SPHKAP: variants seen among roughly 807,000 people sequenced by gnomAD.
SPHKAP encodes A-kinase anchor protein SPHKAP.
SPHKAP carries 67 observed loss-of-function variants against 137.5 expected under a neutral mutation model. That is an observed-to-expected ratio of 0.49 (90% CI 0.40 to 0.60). SPHKAP has a LOEUF of 0.60. SPHKAP is among the 20% of genes least tolerant of loss of function. SPHKAP has a pLI of 0.00. For missense variants in SPHKAP, 2,097 were observed against 2,069.3 expected (o/e 1.01, Z -0.26); for synonymous variants, 813 against 785.3 (o/e 1.04, Z -0.59).
intron 11 of SPHKAP, among the ~76,000 whole-genome samples, chr2:227,990,619 A>G (rs1693377683): frequency 6.6e-6 from 1 of 152,176 alleles, no homozygotes; most frequent in Non-Finnish European, 1.5e-5. Context: ...GGCCTGTTTT[A>G]GATGTCAGTG....
chr2:228,026,773 A>G (rs73096604), intron 4 of SPHKAP, among the ~76,000 whole-genome samples: 1 of 152,338 alleles, frequency 6.6e-6, no homozygotes, highest in African/African-American at 2.4e-5. Flanking sequence ...GGGTTTGAGA[A>G]GCTTGAAGTG....
intron 1 of SPHKAP, among the ~76,000 whole-genome samples, chr2:228,143,666 T>G (rs1699677222): frequency 1.5e-5 from 2 of 135,942 alleles, no homozygotes; most frequent in African/African-American, 5.8e-5. Context: ...ACACCTGGCT[T>G]TTTTTTTTTT....
chr2:228,115,829 C>T (rs1404203578), intron 2 of SPHKAP, among the ~76,000 whole-genome samples: 3 of 152,210 alleles, frequency 2.0e-5, no homozygotes, highest in South Asian at 4.1e-4. Context: ...TCCCCACCCA[C>T]CCCACCAACT....
chr2:228,017,037 T>C lies in SPHKAP; in HGVS notation c.3817A>G (p.Ser1273Gly). Residue 1273 changes from serine (S) to glycine (G), a missense_variant, in exon 7 of 12, where the codon AGC becomes GGC. Physicochemically the swap from Ser to Gly is moderately conservative, Grantham distance 56. Transcript: ENST00000392056. The part of the protein sequence containing the change: ...FAQNCPQDFL[S>G]VQPVSSASSS... ...GACGCGCTACTGACCGGCTGCACGCTTAGGAAATCTTGTGGGCAGTTCTGA... is the reference window on the plus strand; with the variant it reads ...GACGCGCTACTGACCGGCTGCACGCCTAGGAAATCTTGTGGGCAGTTCTGA... 1.2e-6 allele frequency: 2 copies of C among 1,614,026 alleles called. No individual in the cohort carries two copies. Among genetic ancestry groups the C allele is most frequent in the Non-Finnish European group, 1.7e-6 (2 of 1,179,980 alleles).
At position 227,981,500 on chromosome 2, in the gene SPHKAP, T is replaced by G; in HGVS notation, c.*217A>C. On this transcript the variant is annotated 3_prime_UTR_variant, in exon 12 of 12. Transcript: ENST00000392056. The stretch of plus-strand genomic sequence containing the variant: ...TGTCCAGCCCTTCTAATCCAAGCTC[T>G]TTGGAACTCACCCACAAGTTGTATG... 2 of 424,586 alleles carry G rather than the reference T, an allele frequency of 4.7e-6. No homozygotes were observed. The highest frequency in any genetic ancestry group is 8.0e-6 in the Non-Finnish European group (2 of 249,374). 26.3% of individuals were successfully genotyped at this position (424,586 alleles called of 1,614,324 possible).
At chr2:228,103,518 C>T (rs985273122) in intron 3 of SPHKAP, among the ~76,000 whole-genome samples, 4 of 152,186 alleles carry the variant, frequency 2.6e-5, no homozygotes, top group Non-Finnish European at 5.9e-5. Context: ...TCTCTCAGAG[C>T]GTGGTACTGG....
At chr2:228,064,645 AAT>A (rs1314748141) in intron 3 of SPHKAP, among the ~76,000 whole-genome samples, 1 of 152,190 alleles carries the variant, frequency 6.6e-6, no homozygotes, top group East Asian at 1.9e-4. Context: ...TATAGATGCT[AAT>A]TAAAGCATGA....
At chr2:228,058,513 G>A (rs528889682) in intron 3 of SPHKAP, among the ~76,000 whole-genome samples, 1 of 152,028 alleles carries the variant, frequency 6.6e-6, no homozygotes, top group Non-Finnish European at 1.5e-5. Flanking sequence ...ACACGCCCAG[G>A]GTTTTCTTTC....
At chr2:228,046,353 G>A (rs1168588610) in intron 3 of SPHKAP, among the ~76,000 whole-genome samples, 2 of 85,862 alleles carry the variant, frequency 2.3e-5, no homozygotes, top group Non-Finnish European at 4.3e-5. Context: ...TGATTTCTGT[G>A]TTCTTCATCT....
intron 3 of SPHKAP, among the ~76,000 whole-genome samples, chr2:228,090,443 T>C (rs1697688798): frequency 6.6e-6 from 1 of 152,196 alleles, no homozygotes; most frequent in Non-Finnish European, 1.5e-5. Context: ...AGAAGAGACT[T>C]TGGACACTGG....
At chr2:228,127,685 T>C (rs1699119201) in intron 2 of SPHKAP, among the ~76,000 whole-genome samples, 1 of 152,198 alleles carries the variant, frequency 6.6e-6, no homozygotes, top group Non-Finnish European at 1.5e-5. Flanking sequence ...CCGATGTCTA[T>C]TGCAGATCCA....
intron 1 of SPHKAP, among the ~76,000 whole-genome samples, chr2:228,152,714 A>G (rs1160098777): frequency 7.9e-6 from 1 of 126,508 alleles, no homozygotes; most frequent in Admixed American, 8.9e-5. Context: ...TGGAAGTTAT[A>G]CCTTCTTTTT....
chr2:227,980,059 C>T lies in SPHKAP; in HGVS notation c.*1658G>A, dbSNP rs1692943130. 1 of 152,548 alleles carries T rather than the reference C, an allele frequency of 6.6e-6. No homozygotes were observed. The highest frequency in any genetic ancestry group is 2.4e-5 in the African/African-American group (1 of 41,422). The allele number at this position is 152,548 out of a possible 1,614,324, so 9.4% of individuals were successfully genotyped here. A position where few individuals can be genotyped will look rare whatever the true frequency, so the allele number is the denominator to read the frequency against. On this transcript the variant is annotated 3_prime_UTR_variant, in exon 12 of 12. Transcript: ENST00000392056. ...ATTTGAGCTTTGTAAGATAAGTAAA[C>T]ATTTATTTGAGCACAACAAAAGTCT...
chr2:228,043,353 G>A (rs1695921034), intron 3 of SPHKAP, among the ~76,000 whole-genome samples: 1 of 152,218 alleles, frequency 6.6e-6, no homozygotes, highest in Non-Finnish European at 1.5e-5. Flanking sequence ...TTGAGATGGA[G>A]TCTCGCTTTG....
At position 228,002,920 on chromosome 2, in the gene SPHKAP, C is replaced by T. The variant is rs958767183; in HGVS notation, c.4449-7226G>A. ...TCTGAGGGCTCTGTTCTGTTCCATT[C>T]GTCTATACCTCTGTTTTGGTACCAG... On this transcript the variant is annotated intron_variant, in intron 7 of 11. Transcript: ENST00000392056. 4.6e-5 allele frequency among the ~76,000 whole-genome samples: 7 copies of T among 152,006 alleles called. No homozygotes were observed. In the South Asian group the frequency reaches 6.2e-4, roughly 14 times the overall value.
chr2:228,147,987 C>T (rs993762525), intron 1 of SPHKAP, among the ~76,000 whole-genome samples: 4 of 152,150 alleles, frequency 2.6e-5, no homozygotes, highest in African/African-American at 4.8e-5. Flanking sequence ...ATTTGGAATC[C>T]GAACCTAGAC....
rs1553551446 is a variant in SPHKAP at position 228,161,707 on chromosome 2, C to CAGAA, written c.32+19859_32+19860insTTCT. ...GTGCACCTTGGAACTAAAAATAGAACAAAATAAAATAAAATAAAATAAAAT... is the reference window on the plus strand; with the variant it reads ...GTGCACCTTGGAACTAAAAATAGAACAGAAAAAATAAAATAAAATAAAATAAAAT... On this transcript the variant is annotated intron_variant, in intron 1 of 11. Transcript: ENST00000392056. 1.5e-3 allele frequency among the ~76,000 whole-genome samples: 225 copies of CAGAA among 151,230 alleles called. 1 individual carries two copies. The highest frequency in any genetic ancestry group is 2.8e-3 in the Non-Finnish European group (189 of 67,894).
intron 3 of SPHKAP, among the ~76,000 whole-genome samples, chr2:228,067,046 G>A (rs568852103): frequency 9.2e-5 from 14 of 152,244 alleles, no homozygotes; most frequent in Middle Eastern, 3.4e-3. Context: ...CTCCACCGAC[G>A]TGACTAAAAA....
chr2:228,003,127 G>A (rs1693976433), intron 7 of SPHKAP, among the ~76,000 whole-genome samples: 1 of 152,154 alleles, frequency 6.6e-6, no homozygotes, highest in African/African-American at 2.4e-5. Flanking sequence ...GCTTGATGGG[G>A]ATGGCATTGA....
Sources: allele counts gnomAD v4.1 joint callset (sites outside exome capture counted in the v4.1 genomes callset), GRCh38; gene constraint gnomAD v4.1.1; transcripts MANE v1.5; gene names NCBI Gene and HGNC (gene_info 2026-07-23, HGNC 2026-07-21).